The following DYM variants were observed in gnomAD, a reference collection of about 807,000 sequenced individuals.
The protein encoded by DYM is dyggve-Melchior-Clausen syndrome protein.
A neutral mutation model predicts 93.1 loss-of-function variants in DYM; 78 were observed. The observed-to-expected ratio is 0.84, with a 90% CI of 0.70 to 1.01. The LOEUF is 1.01. Ranked by LOEUF, DYM falls within the 50% of genes least tolerant of loss-of-function variation. The pLI is 0.00. For synonymous variants in DYM, 321 were observed against 319.7 expected (o/e 1.00, Z -0.04); for missense variants, 789 against 845.0 (o/e 0.93, Z 0.82).
chr18:49,127,419 T>G (rs2082927952), intron 15 of DYM, among the ~76,000 whole-genome samples: 1 of 152,206 alleles, frequency 6.6e-6, no homozygotes. Context: ...TCCTTTTCCT[T>G]TTAAGAGGGA....
At chr18:49,416,624 G>A (rs181455867) in intron 2 of DYM, among the ~76,000 whole-genome samples, 295 of 152,244 alleles carry the variant, frequency 1.9e-3, no homozygotes, top group African/African-American at 6.8e-3. Context: ...TGAGATGTAG[G>A]ACTTTCCATT....
chr18:49,241,739 A>G (rs140159584), intron 13 of DYM, among the ~76,000 whole-genome samples: 187 of 152,360 alleles, frequency 1.2e-3, no homozygotes, highest in African/African-American at 4.2e-3. Flanking sequence ...AGGAGGGGAA[A>G]TAAATGAAAT....
intron 15 of DYM, among the ~76,000 whole-genome samples, chr18:49,134,599 C>G (rs1251396771): frequency 6.6e-6 from 1 of 152,104 alleles, no homozygotes; most frequent in African/African-American, 2.4e-5. Flanking sequence ...AAAACAGATC[C>G]TCAGTTTATT....
chr18:49,441,203 AT>A (rs2081503434), intron 1 of DYM, among the ~76,000 whole-genome samples: 1 of 37,776 alleles, frequency 2.6e-5, no homozygotes, highest in African/African-American at 1.0e-4. Context: ...TATATTATAT[AT>A]TATATATATT....
rs2082919991 is a variant in DYM, at chr18:49,455,684, GCTC to G, written c.-54+4711_-54+4713del. ...AAAGGAGCAGAGGCCAGGCGCAGTG[GCTC>G]CTGTCTGTAATCCCAGCACTTTGGG... On this transcript the variant is annotated intron_variant, in intron 1 of 17. Coordinates refer to ENST00000675505, the MANE Select transcript of DYM (RefSeq NM_001353214.3). Among the ~76,000 whole-genome samples, 4 of 152,192 alleles carry G rather than the reference GCTC, an allele frequency of 2.6e-5. No individual in the cohort carries two copies. The South Asian group carries it at 8.3e-4, about 32-fold the overall frequency.
intron 6 of DYM, among the ~76,000 whole-genome samples, chr18:49,354,084 C>T (rs2065343673): frequency 6.6e-6 from 1 of 151,946 alleles, no homozygotes; most frequent in Non-Finnish European, 1.5e-5. Context: ...ATAAATAGAT[C>T]AACAGAACAG....
intron 8 of DYM, among the ~76,000 whole-genome samples, chr18:49,287,113 G>A (rs1326342367): frequency 6.6e-6 from 1 of 151,948 alleles, no homozygotes; most frequent in Non-Finnish European, 1.5e-5. Context: ...CTTGAACCTG[G>A]GAAGCAGAGG....
intron 16 of DYM, among the ~76,000 whole-genome samples, chr18:49,106,447 T>G (rs889684718): frequency 2.6e-5 from 4 of 152,186 alleles, no homozygotes; most frequent in African/African-American, 9.7e-5. Flanking sequence ...ATCCTGTCAT[T>G]ATGATGTTAG....
intron 6 of DYM, among the ~76,000 whole-genome samples, chr18:49,358,088 T>C (rs889722935): frequency 5.9e-5 from 9 of 152,148 alleles, no homozygotes; most frequent in Non-Finnish European, 1.3e-4. Flanking sequence ...CAGTTGAGGC[T>C]ATACTGAGCC....
intron 13 of DYM, among the ~76,000 whole-genome samples, chr18:49,247,469 G>A (rs2094197884): frequency 6.6e-6 from 1 of 152,108 alleles, no homozygotes; most frequent in African/African-American, 2.4e-5. Flanking sequence ...AAATAAACAG[G>A]AATGGAGGCT....
intron 1 of DYM, among the ~76,000 whole-genome samples, chr18:49,431,067 T>C (rs1322980410): frequency 1.3e-5 from 2 of 152,150 alleles, no homozygotes; most frequent in African/African-American, 4.8e-5. Context: ...GAAGCTGTTT[T>C]ACAACCAAAA....
chr18:49,289,404 TAAAAAAAAAA>T (rs56240607), intron 8 of DYM, among the ~76,000 whole-genome samples: 23 of 33,528 alleles, frequency 6.9e-4, no homozygotes, highest in African/African-American at 1.5e-3. Flanking sequence ...TACAAATCAG[TAAAAAAAAAA>T]AAAAAAAAAA....
intron 17 of DYM, among the ~76,000 whole-genome samples, chr18:49,086,225 G>C (rs533264354): frequency 6.6e-6 from 1 of 152,338 alleles, no homozygotes; most frequent in Admixed American, 6.5e-5. Flanking sequence ...GAAGTCCCAG[G>C]TTGGGCTGCA....
intron 6 of DYM, among the ~76,000 whole-genome samples, chr18:49,362,069 T>C (rs111257707): frequency 6.6e-6 from 1 of 151,268 alleles, no homozygotes; most frequent in African/African-American, 2.4e-5. Flanking sequence ...TCTCACTATA[T>C]TGCCCAGGCT....
At chr18:49,176,581 T>C (rs2145382496) in intron 14 of DYM, among the ~76,000 whole-genome samples, 1 of 147,676 alleles carries the variant, frequency 6.8e-6, no homozygotes, top group East Asian at 2.0e-4. Context: ...TGGCTTTTTT[T>C]TTTTTTTTTT....
chr18:49,202,878 AGCCACCCCGTCCG>A, intron 14 of DYM, among the ~76,000 whole-genome samples: 2 of 106,610 alleles, frequency 1.9e-5, no homozygotes, highest in Non-Finnish European at 4.1e-5. Flanking sequence ...TCCGCCCGGC[AGCCACCCCGTCCG>A]GGAGGGAGGT....
At chr18:49,045,252 A>G (rs1323176748) in intron 17 of DYM, among the ~76,000 whole-genome samples, 1 of 152,232 alleles carries the variant, frequency 6.6e-6, no homozygotes, top group East Asian at 1.9e-4. Context: ...ATGCATCCAC[A>G]GCCACACTTA....
intron 8 of DYM, among the ~76,000 whole-genome samples, chr18:49,292,063 G>C (rs945971155): frequency 2.0e-5 from 3 of 152,014 alleles, no homozygotes; most frequent in Non-Finnish European, 4.4e-5. Context: ...TGGTCCCCAA[G>C]GTCAAATAGA....
chr18:49,337,639 G>A (rs1312231440), intron 6 of DYM, among the ~76,000 whole-genome samples: 4 of 152,060 alleles, frequency 2.6e-5, no homozygotes, highest in African/African-American at 4.8e-5. Flanking sequence ...GAGGGGGAAG[G>A]AGCAAAAAGG....
Sources: gnomAD v4.1 joint callset for allele counts (sites outside exome capture counted in the v4.1 genomes callset) on GRCh38, gnomAD v4.1.1 for gene constraint, MANE v1.5 for transcripts, NCBI Gene and HGNC (gene_info 2026-07-23, HGNC 2026-07-21) for gene names.